The following BAZ2B variants were observed in gnomAD, a reference collection of about 807,000 sequenced individuals.
BAZ2B encodes bromodomain adjacent to zinc finger domain protein 2B.
A neutral mutation model predicts 246.0 loss-of-function variants in BAZ2B; 91 were observed. The observed-to-expected ratio is 0.37, with a 90% CI of 0.31 to 0.44. The LOEUF (loss-of-function observed/expected upper bound fraction) is 0.44, where lower values mean the gene tolerates loss of function less well. Among genes scored for constraint, BAZ2B ranks in the 20% least tolerant of loss-of-function variants. The pLI is 1.00. For missense variants in BAZ2B, 2,332 were observed against 2,533.7 expected (o/e 0.92, Z 1.71); for synonymous variants, 855 against 860.0 (o/e 0.99, Z 0.10).
chr2:159,607,047 G>T (rs557836664), intron 1 of BAZ2B, among the ~76,000 whole-genome samples: 1 of 151,928 alleles, frequency 6.6e-6, no homozygotes, highest in South Asian at 2.1e-4. Context: ...TAGAGACAGG[G>T]TTTCACCATG....
intron 8 of BAZ2B, chr2:159,433,673 A>G (rs1358936982): frequency 4.9e-6 from 1 of 202,620 alleles, no homozygotes; most frequent in Admixed American, 5.4e-5. Flanking sequence ...TGCATGAAAT[A>G]GCCTCCTCTT....
intron 1 of BAZ2B, among the ~76,000 whole-genome samples, chr2:159,607,539 G>GA (rs1285668558): frequency 2.3e-5 from 3 of 132,966 alleles, no homozygotes; most frequent in African/African-American, 8.2e-5. Flanking sequence ...ATCTTCTCCA[G>GA]AAAAAGCCAA....
chr2:159,402,949 A>G (rs2065318125), intron 16 of BAZ2B, among the ~76,000 whole-genome samples: 1 of 152,248 alleles, frequency 6.6e-6, no homozygotes, highest in African/African-American at 2.4e-5. Context: ...TACATAAGAG[A>G]AAACTGAGGT....
chr2:159,676,885 C>T, the BAZ2B span, among the ~76,000 whole-genome samples: 6 of 145,736 alleles, frequency 4.1e-5, no homozygotes, highest in East Asian at 2.0e-4. Context: ...AGGCTTTAAA[C>T]GATTAAAATG....
chr2:159,599,892 C>T lies in BAZ2B; in HGVS notation c.-46+16350G>A, dbSNP rs544878963. Among the ~76,000 whole-genome samples, 10 of 139,368 alleles carry T rather than the reference C, an allele frequency of 7.2e-5. No individual in the cohort carries two copies. In the South Asian group the frequency reaches 1.9e-3, roughly 26 times the overall value. The allele number at this position is 139,368 out of a possible 152,430, so 91.4% of individuals were successfully genotyped here. A position where few individuals can be genotyped will look rare whatever the true frequency, so the allele number is the denominator to read the frequency against. On this transcript the variant is annotated intron_variant, in intron 1 of 36. Coordinates refer to ENST00000392783, the MANE Select transcript of BAZ2B (RefSeq NM_013450.4). The stretch of plus-strand genomic sequence containing the variant: ...TGGAGTTTGCAGTGAGCTCAGATCG[C>T]GCCACTGCACTCCAGCCTGGGCGAC...
intron 6 of BAZ2B, among the ~76,000 whole-genome samples, chr2:159,445,302 T>C (rs1030713438): frequency 2.6e-5 from 4 of 152,062 alleles, no homozygotes; most frequent in African/African-American, 4.8e-5. Context: ...TAACAGAAGA[T>C]TAACTACTAA....
intron 6 of BAZ2B, among the ~76,000 whole-genome samples, chr2:159,443,600 C>A (rs2150339876): frequency 6.6e-6 from 1 of 152,292 alleles, no homozygotes; most frequent in Admixed American, 6.5e-5. Flanking sequence ...CCCACTCCCA[C>A]AAACCCATGC....
In BAZ2B at chr2:159,476,761, T is replaced by A. The variant is rs114350531; in HGVS notation, c.145+1814A>T. ...ATACACTGAAAGCTCACAACAAGGG[T>A]AAGAGAAAGAAGAATTACAAAAACA... is the stretch of plus-strand genomic sequence containing the variant. On this transcript the variant is annotated intron_variant, in intron 3 of 36. Coordinates refer to ENST00000392783, the MANE Select transcript of BAZ2B (RefSeq NM_013450.4). Among the ~76,000 whole-genome samples, 46 of 152,142 alleles carry A rather than the reference T, an allele frequency of 3.0e-4. 1 individual carries two copies. Among genetic ancestry groups the A allele is most frequent in the African/African-American group, 1.1e-3 (45 of 41,516 alleles).
In BAZ2B at chr2:159,412,398, C is replaced by T; in HGVS notation, c.2614G>A (p.Val872Ile). ...TTATCTAGGAATTCAGCATTGCCAACATTTGGAGGTCGACCTTTCCGACGT... is the reference window on the plus strand; with the variant it reads ...TTATCTAGGAATTCAGCATTGCCAATATTTGGAGGTCGACCTTTCCGACGT... ...MRRRKGRPPN[V>I]GNAEFLDNAD... The change falls in exon 14 of 37, where the codon GTT becomes ATT. Residue 872 changes from valine to isoleucine, a missense_variant. Transcript: ENST00000392783. 2 of 1,614,130 alleles carry T rather than the reference C, an allele frequency of 1.2e-6. No homozygotes were observed. The highest frequency in any genetic ancestry group is 1.7e-6 in the Non-Finnish European group (2 of 1,180,018).
At chr2:159,700,124 T>G in the BAZ2B span, among the ~76,000 whole-genome samples, 1 of 152,176 alleles carries the variant, frequency 6.6e-6, no homozygotes. Context: ...TATTCATGAA[T>G]TTTGGAGGAC....
intron 6 of BAZ2B, among the ~76,000 whole-genome samples, chr2:159,443,810 T>C (rs1490234050): frequency 6.6e-6 from 1 of 152,136 alleles, no homozygotes; most frequent in Non-Finnish European, 1.5e-5. Flanking sequence ...AGTAACAGTT[T>C]TTAGTATGAC....
downstream of BAZ2B, among the ~76,000 whole-genome samples, chr2:159,315,497 C>T (rs1464110849): frequency 6.6e-6 from 1 of 152,188 alleles, no homozygotes; most frequent in Non-Finnish European, 1.5e-5. Context: ...ATGCCTCAGG[C>T]ACAGGGCTGG....
At chr2:159,698,773 CTA>C in the BAZ2B span, among the ~76,000 whole-genome samples, 1 of 152,040 alleles carries the variant, frequency 6.6e-6, no homozygotes, top group Non-Finnish European at 1.5e-5. Context: ...AAAAATCTGA[CTA>C]TTCATTTTAT....
intron 2 of BAZ2B, among the ~76,000 whole-genome samples, chr2:159,553,685 C>A (rs891677929): frequency 6.6e-6 from 1 of 151,892 alleles, no homozygotes; most frequent in Non-Finnish European, 1.5e-5. Flanking sequence ...AAGAAAAAAA[C>A]AGCAATTCTC....
chr2:159,525,130 A>G (rs993295898), intron 2 of BAZ2B, among the ~76,000 whole-genome samples: 8 of 152,228 alleles, frequency 5.3e-5, no homozygotes, highest in Non-Finnish European at 8.8e-5. Flanking sequence ...AAGGTTTACG[A>G]AAAAATGACA....
In BAZ2B at chr2:159,491,720, C is replaced by CAAA. The variant is rs773067675; in HGVS notation, c.-2-13002_-2-13000dup. ...CGGGCGACAGAGCGAGACTCCGTCT[C>CAAA]AAAAAAAAAAAAAAAAAAAAAAAAA... On this transcript the variant is annotated intron_variant, in intron 2 of 36. Transcript: ENST00000392783. Among the ~76,000 whole-genome samples the CAAA allele has an allele frequency of 8.8e-4, 26 of 29,554 alleles. 4 individuals are homozygous for CAAA. The highest frequency in any genetic ancestry group is 1.7e-3 in the African/African-American group (8 of 4,582). The allele number at this position is 29,554 out of a possible 152,430, so 19.4% of individuals were successfully genotyped here.
the BAZ2B span, among the ~76,000 whole-genome samples, chr2:159,656,883 G>C: frequency 2.0e-5 from 3 of 152,034 alleles, no homozygotes; most frequent in Non-Finnish European, 4.4e-5. Flanking sequence ...CTGCATGTTT[G>C]AATAACAGTC....
intron 21 of BAZ2B, among the ~76,000 whole-genome samples, chr2:159,386,919 T>C (rs918684724): frequency 6.6e-6 from 1 of 152,084 alleles, no homozygotes; most frequent in African/African-American, 2.4e-5. Context: ...AACTGACATA[T>C]CCATATTAAC....
intron 2 of BAZ2B, among the ~76,000 whole-genome samples, chr2:159,506,424 A>G (rs1190009843): frequency 6.6e-6 from 1 of 152,126 alleles, no homozygotes; most frequent in Non-Finnish European, 1.5e-5. Context: ...TTTCAACATC[A>G]TGTCTAAGGA....
Sources: gnomAD v4.1 joint callset for allele counts (sites outside exome capture counted in the v4.1 genomes callset) on GRCh38, gnomAD v4.1.1 for gene constraint, MANE v1.5 for transcripts, NCBI Gene and HGNC (gene_info 2026-07-23, HGNC 2026-07-21) for gene names.